The following UBE3A variants were observed in gnomAD, a reference collection of about 807,000 sequenced individuals.
The protein encoded by UBE3A is ubiquitin-protein ligase E3A.
UBE3A carries 6 observed loss-of-function variants against 83.4 expected under a neutral mutation model. The observed-to-expected ratio is 0.07, with a 90% CI of 0.04 to 0.14. The LOEUF is 0.14. UBE3A is among the 10% of genes least tolerant of loss of function. The pLI is 1.00. For synonymous variants in UBE3A, 337 were observed against 355.4 expected, an observed-to-expected ratio of 0.95 and a Z score of 0.58; for missense variants, 456 against 1,036.1, an observed-to-expected ratio of 0.44 and a Z score of 7.69.
intron 1 of UBE3A, among the ~76,000 whole-genome samples, chr15:25,419,783 A>G (rs1888813806): frequency 1.3e-5 from 2 of 152,100 alleles, no homozygotes; most frequent in African/African-American, 4.8e-5. Context: ...GATGTATACT[A>G]TTCCAAAATT....
chr15:25,339,962 G>T, intron 12 of UBE3A, 123 bp downstream of exon 12: 1 of 1,300,132 alleles, frequency 7.7e-7, no homozygotes, highest in South Asian at 1.2e-5. Flanking sequence ...TGTCTAATAT[G>T]ATTTGGGGAT....
At chr15:25,435,538 G>A (rs1289766371) in intron 1 of UBE3A, among the ~76,000 whole-genome samples, 1 of 152,066 alleles carries the variant, frequency 6.6e-6, no homozygotes, top group African/African-American at 2.4e-5. Context: ...TGGAATTAAT[G>A]CCTCTATAAA....
At chr15:25,399,750 T>C (rs1440527327) in intron 4 of UBE3A, among the ~76,000 whole-genome samples, 1 of 151,758 alleles carries the variant, frequency 6.6e-6, no homozygotes, top group Non-Finnish European at 1.5e-5. Flanking sequence ...ATTTTTTTTT[T>C]TTTTAATTTT....
chr15:25,428,093 G>A (rs190753419), intron 1 of UBE3A, among the ~76,000 whole-genome samples: 1 of 152,004 alleles, frequency 6.6e-6, no homozygotes, highest in East Asian at 1.9e-4. Flanking sequence ...GGGAGTGAGA[G>A]GACAAAGGCA....
At chr15:25,426,062 T>C (rs774748770) in intron 1 of UBE3A, among the ~76,000 whole-genome samples, 13 of 152,160 alleles carry the variant, frequency 8.5e-5, no homozygotes, top group Non-Finnish European at 1.5e-4. Context: ...GTTTATTTCT[T>C]ATTTACCTAC....
chr15:25,408,859 T>C (rs1035510997), intron 3 of UBE3A: 1 of 740,200 alleles, frequency 1.4e-6, no homozygotes, highest in Non-Finnish European at 2.1e-6. Flanking sequence ...TTTTGAGAAA[T>C]ACTTTCCTGT....
chr15:25,401,559 T>C (rs2087093564), intron 4 of UBE3A, among the ~76,000 whole-genome samples: 1 of 152,226 alleles, frequency 6.6e-6, no homozygotes, highest in East Asian at 1.9e-4. Context: ...CCATTTCTTC[T>C]ATGGTAATCA....
At chr15:25,353,261 A>C (rs1206952863) in intron 11 of UBE3A, among the ~76,000 whole-genome samples, 1 of 152,230 alleles carries the variant, frequency 6.6e-6, no homozygotes, top group African/African-American at 2.4e-5. Flanking sequence ...TGCACCAGAA[A>C]GAAGAAATAC....
chr15:25,342,014 T>A (rs879350818), intron 11 of UBE3A, among the ~76,000 whole-genome samples: 21 of 152,040 alleles, frequency 1.4e-4, no homozygotes, highest in East Asian at 1.9e-4. Flanking sequence ...CCTGCCCCTT[T>A]ACAAATCCAC....
At chr15:25,361,808 C>T (rs1161723499) in intron 6 of UBE3A, among the ~76,000 whole-genome samples, 3 of 152,036 alleles carry the variant, frequency 2.0e-5, no homozygotes, top group Non-Finnish European at 4.4e-5. Flanking sequence ...CAGGTTATTC[C>T]AACTATTTCA....
rs587782926 is a variant in UBE3A, at chr15:25,339,119, ATTTTGTTTTG to A, written c.*8_*17del. 5.0e-5 allele frequency: 72 copies of A among 1,430,032 alleles called. No individual in the cohort carries two copies. Among genetic ancestry groups the A allele is most frequent in the African/African-American group, 3.7e-4 (24 of 64,404 alleles). 88.6% of individuals were successfully genotyped at this position (1,430,032 alleles called of 1,614,324 possible). ...TTTTTTCCTTCCTTTTTTTTGTTTTATTTTGTTTTGTTTTGTTTTACAGCATGCCAAATCC... is the reference window on the plus strand; with the variant it reads ...TTTTTTCCTTCCTTTTTTTTGTTTTATTTTGTTTTACAGCATGCCAAATCC... On this transcript the variant is annotated 3_prime_UTR_variant, in exon 13 of 13. Coordinates refer to ENST00000648336, the MANE Select transcript of UBE3A (RefSeq NM_130839.5).
intron 9 of UBE3A, 94 bp downstream of exon 9, chr15:25,355,796 TAC>T (rs1255858247): frequency 4.2e-6 from 5 of 1,196,674 alleles, no homozygotes; most frequent in Non-Finnish European, 5.9e-6. Flanking sequence ...TTTTTTTTTG[TAC>T]AGACTATATT....
At chr15:25,365,716 C>A (rs1477305229) in intron 6 of UBE3A, among the ~76,000 whole-genome samples, 1 of 147,888 alleles carries the variant, frequency 6.8e-6, no homozygotes, top group Non-Finnish European at 1.5e-5. Flanking sequence ...CCACTGCACT[C>A]CAGCCTGGGT....
At position 25,364,641 on chromosome 15, in the gene UBE3A, G is replaced by GTTTTTTTTTT. The variant is rs1260418313; in HGVS notation, c.1609-4115_1609-4114insAAAAAAAAAA. Among the ~76,000 whole-genome samples, 18 of 132,496 alleles carry GTTTTTTTTTT rather than the reference G, an allele frequency of 1.4e-4. 1 individual carries two copies. The highest frequency in any genetic ancestry group is 5.2e-4 in the African/African-American group (17 of 32,478). The allele number at this position is 132,496 out of a possible 152,430, so 86.9% of individuals were successfully genotyped here. ...CACGTGGATTTTTAGGGTTTTTTTT[G>GTTTTTTTTTT]TTTGTTTTTTTTTTTTTTTTGAGAC... is the stretch of plus-strand genomic sequence containing the variant. On this transcript the variant is annotated intron_variant, in intron 6 of 12. Coordinates refer to ENST00000648336, the MANE Select transcript of UBE3A (RefSeq NM_130839.5).
At position 25,438,477 on chromosome 15, in the gene UBE3A, G is replaced by C. The variant is rs574917575; in HGVS notation, c.-165+12C>G. The C allele has an allele frequency of 6.6e-6, 1 of 152,232 alleles. No homozygotes were observed. The highest frequency in any genetic ancestry group is 1.5e-5 in the Non-Finnish European group (1 of 68,084). The allele number at this position is 152,232 out of a possible 1,614,324, so 9.4% of individuals were successfully genotyped here. A position where few individuals can be genotyped will look rare whatever the true frequency, so the allele number is the denominator to read the frequency against. ...GCCAGCGCCGCCTGGCGCAGGCCGC[G>C]GCAACACTGACCTGTCGTCGCCCCC... On this transcript the variant is annotated intron_variant, in intron 1 of 12. Coordinates refer to ENST00000648336, the MANE Select transcript of UBE3A (RefSeq NM_130839.5).
intron 8 of UBE3A, 57 bp downstream of exon 8, chr15:25,356,634 T>A (rs1229416421): frequency 4.6e-6 from 7 of 1,530,008 alleles, no homozygotes; most frequent in African/African-American, 2.8e-5. Context: ...ATAAATTAAA[T>A]TTTTGCATTT....
intron 11 of UBE3A, among the ~76,000 whole-genome samples, chr15:25,347,877 A>G (rs1046412641): frequency 6.6e-6 from 1 of 152,186 alleles, no homozygotes; most frequent in African/African-American, 2.4e-5. Flanking sequence ...CATATCAATA[A>G]TTACCTTAAA....
chr15:25,403,870 T>C (rs192305836), intron 4 of UBE3A, among the ~76,000 whole-genome samples: 26 of 152,220 alleles, frequency 1.7e-4, no homozygotes, highest in Admixed American at 2.6e-4. Flanking sequence ...AACTGTATGA[T>C]TGCACTTATA....
chr15:25,345,367 G>A (rs1273725571), intron 11 of UBE3A, among the ~76,000 whole-genome samples: 2 of 152,032 alleles, frequency 1.3e-5, no homozygotes, highest in African/African-American at 4.8e-5. Flanking sequence ...ACTTCCGAAT[G>A]GACCAGGTCA....
Sources: gnomAD v4.1 joint callset for allele counts (sites outside exome capture counted in the v4.1 genomes callset) on GRCh38, gnomAD v4.1.1 for gene constraint, MANE v1.5 for transcripts, NCBI Gene and HGNC (gene_info 2026-07-23, HGNC 2026-07-21) for gene names.